The following LNX1 variants were observed in gnomAD, a reference collection of about 807,000 sequenced individuals.
The protein encoded by LNX1 is E3 ubiquitin-protein ligase LNX.
Under a neutral mutation model 68.4 loss-of-function variants are expected in LNX1, and 54 were observed. The observed-to-expected ratio is 0.79, with a 90% CI of 0.63 to 0.99. The LOEUF (loss-of-function observed/expected upper bound fraction) is 0.99. Ranked by LOEUF, LNX1 falls within the 50% of genes least tolerant of loss-of-function variation. LNX1 has a pLI of 0.00. For missense variants in LNX1, 906 were observed against 926.4 expected (o/e 0.98, Z 0.29); for synonymous variants, 336 against 350.0 (o/e 0.96, Z 0.45).
intron 2 of LNX1, among the ~76,000 whole-genome samples, chr4:53,599,973 C>A (rs1315114790): frequency 1.3e-5 from 2 of 152,182 alleles, no homozygotes; most frequent in African/African-American, 4.8e-5. Context: ...GTGACAGTAA[C>A]ATCTGTAGCT....
At chr4:53,479,307 G>A (rs904320503) in intron 7 of LNX1, among the ~76,000 whole-genome samples, 7 of 152,132 alleles carry the variant, frequency 4.6e-5, no homozygotes, top group African/African-American at 1.7e-4. Context: ...ATAAATATCA[G>A]AAACTTTTCT....
intron 2 of LNX1, among the ~76,000 whole-genome samples, chr4:53,609,466 A>G (rs1733380287): frequency 6.6e-6 from 1 of 150,638 alleles, no homozygotes; most frequent in African/African-American, 2.4e-5. Context: ...TGTATTGGAA[A>G]GTTCTGTAGA....
chr4:53,535,276 A>G (rs1356873054), intron 2 of LNX1, among the ~76,000 whole-genome samples: 1 of 152,196 alleles, frequency 6.6e-6, no homozygotes, highest in African/African-American at 2.4e-5. Context: ...GTTGTTTTGG[A>G]TGCTTAAGCC....
chr4:53,484,494 T>C (rs777644108), intron 6 of LNX1, among the ~76,000 whole-genome samples: 1 of 150,484 alleles, frequency 6.6e-6, no homozygotes, highest in Non-Finnish European at 1.5e-5. Context: ...ACCCAGAGGG[T>C]GGAGGTTGCA....
At chr4:53,647,767 C>T (rs1357788582) in intron 1 of LNX1, among the ~76,000 whole-genome samples, 1 of 152,230 alleles carries the variant, frequency 6.6e-6, no homozygotes, top group Non-Finnish European at 1.5e-5. Context: ...ACTCTCCATT[C>T]TCCCTTTCCC....
At chr4:53,464,918 ATTTC>A (rs1311839145) in intron 9 of LNX1, among the ~76,000 whole-genome samples, 11 of 152,256 alleles carry the variant, frequency 7.2e-5, no homozygotes, top group South Asian at 4.1e-4. Context: ...GAATTCATGA[ATTTC>A]TTCTGTGTTT....
intron 1 of LNX1, among the ~76,000 whole-genome samples, chr4:53,648,875 G>A (rs1390816810): frequency 6.6e-6 from 1 of 152,150 alleles, no homozygotes; most frequent in Non-Finnish European, 1.5e-5. Flanking sequence ...GGGTTGTCAG[G>A]ACAATCATGA....
intron 2 of LNX1, among the ~76,000 whole-genome samples, chr4:53,604,840 A>T (rs1284653010): frequency 6.6e-6 from 1 of 152,202 alleles, no homozygotes; most frequent in Non-Finnish European, 1.5e-5. Context: ...CTTTCTCAAG[A>T]AAAGAGGCTG....
intron 1 of LNX1, among the ~76,000 whole-genome samples, chr4:53,639,308 A>G (rs1734591152): frequency 6.6e-6 from 1 of 152,180 alleles, no homozygotes; most frequent in Admixed American, 6.5e-5. Context: ...AAAGATGGCA[A>G]CAATAGGCAC....
chr4:53,524,158 A>T (rs1257408966), intron 2 of LNX1: 1 of 152,192 alleles, frequency 6.6e-6, no homozygotes, highest in Admixed American at 6.5e-5. Context: ...CCTACGGTTT[A>T]AATTATATAT....
At chr4:53,573,599 C>A in intron 2 of LNX1, 24 bp downstream of exon 2, 1 of 1,569,050 alleles carries the variant, frequency 6.4e-7, no homozygotes, top group Non-Finnish European at 8.7e-7. Flanking sequence ...GTGGGACTTA[C>A]CGGCTCGCTG....
chr4:53,588,219 T>C (rs1481252242), intron 1 of LNX1, among the ~76,000 whole-genome samples: 1 of 152,110 alleles, frequency 6.6e-6, no homozygotes, highest in East Asian at 1.9e-4. Context: ...AGCAAAGAAA[T>C]ATTAAGGAAC....
chr4:53,616,502 A>T (rs1442630629), intron 2 of LNX1: 1 of 152,120 alleles, frequency 6.6e-6, no homozygotes, highest in African/African-American at 2.4e-5. Context: ...GAATGGTCTG[A>T]TTCATTTGGC....
At chr4:53,559,812 T>TAAAA (rs35388102) in intron 2 of LNX1, among the ~76,000 whole-genome samples, 5 of 133,084 alleles carry the variant, frequency 3.8e-5, no homozygotes, top group African/African-American at 1.1e-4. Flanking sequence ...CATGCCTGGC[T>TAAAA]AAAAAAAAAA....
At chr4:53,629,909 C>A (rs775655991) in intron 1 of LNX1, among the ~76,000 whole-genome samples, 1 of 152,096 alleles carries the variant, frequency 6.6e-6, no homozygotes, top group Non-Finnish European at 1.5e-5. Flanking sequence ...ACAATAAAGA[C>A]AACAATACAT....
chr4:53,496,190 T>C lies in LNX1; in HGVS notation c.1183A>G (p.Ile395Val), dbSNP rs772732891. The part of the protein sequence containing the change: ...NKSSPEEQLG[I>V]KLVRKVDEPG... ...TCATCCACCTTGCGCACCAGTTTTA[T>C]TCCAAGCTGCTCCTCGGGGCTACTT... Residue 395 changes from isoleucine (I) to valine (V), a missense_variant, in exon 6 of 11, where the codon ATA (isoleucine) becomes GTA (valine). Coordinates refer to ENST00000263925, the MANE Select transcript of LNX1 (RefSeq NM_001126328.3). 6.2e-7 allele frequency: 1 copy of C among 1,614,110 alleles called. No homozygotes were observed.
At chr4:53,613,597 T>C (rs1236631705) in intron 2 of LNX1, among the ~76,000 whole-genome samples, 1 of 152,296 alleles carries the variant, frequency 6.6e-6, no homozygotes, top group African/African-American at 2.4e-5. Flanking sequence ...CTAAGGATAA[T>C]GGCCTCCAGC....
chr4:53,508,166 A>C lies in LNX1; in HGVS notation c.442T>G (p.Cys148Gly). 6.2e-7 allele frequency: 1 copy of C among 1,614,168 alleles called. No individual in the cohort carries two copies. Among genetic ancestry groups the C allele is most frequent in the Non-Finnish European group, 8.5e-7 (1 of 1,180,022 alleles). Residue 148 changes from cysteine (C) to glycine (G), a missense_variant, in exon 3 of 11, where the codon TGT (cysteine) becomes GGT (glycine). Coordinates refer to ENST00000263925, the MANE Select transcript of LNX1 (RefSeq NM_001126328.3). ...GTGAGGCTCGCACAGCCGTCTGGACAGCCATCTTGTGAGCGCCTCTTCCTA... is the reference window on the plus strand; with the variant it reads ...GTGAGGCTCGCACAGCCGTCTGGACCGCCATCTTGTGAGCGCCTCTTCCTA... ...KDRKRRSQDG[C>G]PDGCASLTAT... is the part of the protein sequence containing the mutation.
chr4:53,646,887 A>G (rs768454987), intron 1 of LNX1, among the ~76,000 whole-genome samples: 1 of 152,220 alleles, frequency 6.6e-6, no homozygotes, highest in Non-Finnish European at 1.5e-5. Context: ...CCAATTTAAC[A>G]TGAGTAAATA....
Sources: gnomAD v4.1 joint callset for allele counts (sites outside exome capture counted in the v4.1 genomes callset) on GRCh38, gnomAD v4.1.1 for gene constraint, MANE v1.5 for transcripts, NCBI Gene and HGNC (gene_info 2026-07-23, HGNC 2026-07-21) for gene names.